CHN1: variants seen among roughly 807,000 people sequenced by gnomAD.
CHN1 encodes N-chimaerin.
In CHN1, 37 loss-of-function variants were observed where a neutral mutation model predicts 59.5. That is an observed-to-expected ratio of 0.62 (90% CI 0.48 to 0.82). CHN1 has a LOEUF of 0.82. Among genes scored for constraint, CHN1 ranks in the 40% least tolerant of loss-of-function variants. The pLI is 0.00. For synonymous variants in CHN1, 206 were observed against 200.4 expected, an observed-to-expected ratio of 1.03 and a Z score of -0.24; for missense variants, 469 against 571.0, an observed-to-expected ratio of 0.82 and a Z score of 1.82.
At chr2:174,898,100 AC>A (rs1224339471) in intron 5 of CHN1, among the ~76,000 whole-genome samples, 1 of 151,868 alleles carries the variant, frequency 6.6e-6, no homozygotes, top group Non-Finnish European at 1.5e-5. Flanking sequence ...TGGTATCTTC[AC>A]CCCTCTGCCG....
intron 11 of CHN1, among the ~76,000 whole-genome samples, chr2:174,805,581 AGAG>A (rs1011255947): frequency 3.9e-5 from 6 of 152,346 alleles, no homozygotes; most frequent in African/African-American, 1.2e-4. Context: ...GATGGGAATC[AGAG>A]GAGAAAGATG....
intron 7 of CHN1, among the ~76,000 whole-genome samples, chr2:174,839,523 TTA>T (rs984902152): frequency 6.6e-5 from 10 of 152,084 alleles, no homozygotes; most frequent in African/African-American, 1.9e-4. Flanking sequence ...AAAGTTTCAG[TTA>T]TAATAGATTG....
chr2:174,818,630 C>T (rs1685363687), intron 8 of CHN1, among the ~76,000 whole-genome samples: 1 of 132,626 alleles, frequency 7.5e-6, no homozygotes, highest in Non-Finnish European at 1.5e-5. Context: ...TATTAAACCA[C>T]ATTTTTTTTT....
chr2:174,917,079 G>C (rs1688868457), intron 4 of CHN1, among the ~76,000 whole-genome samples: 1 of 152,138 alleles, frequency 6.6e-6, no homozygotes, highest in Admixed American at 6.6e-5. Flanking sequence ...TGTAGTCCCA[G>C]CTACTCGGGA....
At chr2:174,939,556 T>C (rs1403171606) in intron 3 of CHN1, among the ~76,000 whole-genome samples, 2 of 152,278 alleles carry the variant, frequency 1.3e-5, no homozygotes, top group East Asian at 1.9e-4. Flanking sequence ...AATATAGCTA[T>C]TTTTCAACAA....
At chr2:174,931,164 G>T (rs1391734127) in intron 3 of CHN1, among the ~76,000 whole-genome samples, 1 of 151,724 alleles carries the variant, frequency 6.6e-6, no homozygotes, top group Non-Finnish European at 1.5e-5. Context: ...TGAGTGATAG[G>T]ATGATTTTTA....
chr2:174,913,162 T>A (rs1315637472), intron 5 of CHN1, among the ~76,000 whole-genome samples: 1 of 152,216 alleles, frequency 6.6e-6, no homozygotes, highest in Non-Finnish European at 1.5e-5. Flanking sequence ...TGTGGTAATG[T>A]GGTGAAAGTA....
chr2:174,899,059 C>T (rs904249354), intron 5 of CHN1, among the ~76,000 whole-genome samples: 1 of 152,104 alleles, frequency 6.6e-6, no homozygotes, highest in Non-Finnish European at 1.5e-5. Flanking sequence ...GTCAGTAGGA[C>T]GGGCTCCTTT....
rs187144553 is a variant in CHN1 at position 174,946,321 on chromosome 2, A to G, written c.59-1378T>C. Among the ~76,000 whole-genome samples the G allele has an allele frequency of 8.5e-5, 13 of 152,306 alleles. No homozygotes were observed. In the East Asian group the frequency reaches 1.9e-3, roughly 23 times the overall value. On this transcript the variant is annotated intron_variant, in intron 2 of 12. Transcript: ENST00000409900. ...AAATTCTTTATAATAATACTTGATT[A>G]CTAGGATGCATCTTGAGTTCATCAC...
rs369188761 is a variant in CHN1 at position 174,955,187 on chromosome 2, T to C, written c.20-2985A>G. Reference sequence around the variant, plus strand: ...ATATATCTCTATATATCTATATCTATATATATATATATAATTGATATATAT... The same window carrying C: ...ATATATCTCTATATATCTATATCTACATATATATATATAATTGATATATAT... On this transcript the variant is annotated intron_variant, in intron 1 of 12. Coordinates refer to ENST00000409900, the MANE Select transcript of CHN1 (RefSeq NM_001822.7). Among the ~76,000 whole-genome samples the C allele has an allele frequency of 7.7e-5, 8 of 103,582 alleles. No individual in the cohort carries two copies. In the Admixed American group the frequency reaches 8.6e-4, roughly 11 times the overall value. The allele number at this position is 103,582 out of a possible 152,430, so 68.0% of individuals were successfully genotyped here. A position where few individuals can be genotyped will look rare whatever the true frequency, so the allele number is the denominator to read the frequency against.
At chr2:174,902,344 T>C (rs1688410356) in intron 5 of CHN1, among the ~76,000 whole-genome samples, 1 of 152,172 alleles carries the variant, frequency 6.6e-6, no homozygotes, top group Admixed American at 6.5e-5. Flanking sequence ...AAAGAACACC[T>C]GAGCAAGGGT....
chr2:174,979,580 C>T (rs1034974159), intron 1 of CHN1, among the ~76,000 whole-genome samples: 15 of 152,042 alleles, frequency 9.9e-5, no homozygotes, highest in Non-Finnish European at 2.1e-4. Context: ...TTTGGGAGGC[C>T]GAGGTGGGCA....
chr2:174,871,671 G>A (rs534994443), intron 6 of CHN1, among the ~76,000 whole-genome samples: 2 of 152,282 alleles, frequency 1.3e-5, no homozygotes, highest in Admixed American at 1.3e-4. Context: ...TCAAATCAAA[G>A]TGAGTCCAAC....
At position 175,004,969 on chromosome 2, in the gene CHN1, G is replaced by T; in HGVS notation, c.-57C>A. On this transcript the variant is annotated 5_prime_UTR_variant, in exon 1 of 13. Coordinates refer to ENST00000409900, the MANE Select transcript of CHN1 (RefSeq NM_001822.7). ...AGGCGCTCCTCCCAGGCGGGCTAGG[G>T]ATCACCTCATCAGCCCGCCGCACCC... 2.6e-6 allele frequency: 4 copies of T among 1,514,364 alleles called. No homozygotes were observed. The highest frequency in any genetic ancestry group is 2.6e-6 in the Non-Finnish European group (3 of 1,134,194). 93.8% of individuals were successfully genotyped at this position (1,514,364 alleles called of 1,614,324 possible).
chr2:174,945,218 G>A (rs895365951), intron 2 of CHN1: 4 of 471,468 alleles, frequency 8.5e-6, no homozygotes, highest in African/African-American at 5.9e-5. Flanking sequence ...CCATAATCTG[G>A]TCATTTATTT....
rs530341159 is a variant in CHN1 at position 174,869,022 on chromosome 2, G to C, written c.549+8818C>G. 1.2e-4 allele frequency among the ~76,000 whole-genome samples: 19 copies of C among 152,254 alleles called. 1 individual carries two copies. In the South Asian group the frequency reaches 3.3e-3, roughly 27 times the overall value. Reference sequence around the variant, plus strand: ...ACTGTGATCATGAGTATCACCTGCTGGGGGACCTGTTCAGGCCAGAGAGGA... The same window carrying C: ...ACTGTGATCATGAGTATCACCTGCTCGGGGACCTGTTCAGGCCAGAGAGGA... On this transcript the variant is annotated intron_variant, in intron 6 of 12. Coordinates refer to ENST00000409900, the MANE Select transcript of CHN1 (RefSeq NM_001822.7).
chr2:174,919,975 A>T (rs749515934), intron 3 of CHN1, among the ~76,000 whole-genome samples: 2 of 152,006 alleles, frequency 1.3e-5, no homozygotes, highest in Non-Finnish European at 2.9e-5. Context: ...TGCCCCGATA[A>T]CCACTATTCT....
At chr2:174,804,866 C>T (rs538542162) in intron 11 of CHN1, among the ~76,000 whole-genome samples, 2 of 152,348 alleles carry the variant, frequency 1.3e-5, no homozygotes, top group African/African-American at 4.8e-5. Context: ...AGGACATTTA[C>T]ATCTCCAGGC....
intron 6 of CHN1, among the ~76,000 whole-genome samples, chr2:174,863,899 T>A (rs933162976): frequency 7.2e-5 from 11 of 151,802 alleles, no homozygotes; most frequent in African/African-American, 2.4e-4. Flanking sequence ...TAATAAAAAA[T>A]TATTTATCAC....
Sources: gnomAD v4.1 joint callset for allele counts (sites outside exome capture counted in the v4.1 genomes callset) on GRCh38, gnomAD v4.1.1 for gene constraint, MANE v1.5 for transcripts, NCBI Gene and HGNC (gene_info 2026-07-23, HGNC 2026-07-21) for gene names.